NKAIN2: variants seen among roughly 807,000 people sequenced by gnomAD.
NKAIN2 encodes the protein sodium/potassium transporting ATPase interacting 2.
NKAIN2 carries 14 observed loss-of-function variants against 32.6 expected under a neutral mutation model. The observed-to-expected ratio is 0.43, with a 90% CI of 0.28 to 0.67. The LOEUF is 0.67. NKAIN2 is among the 30% of genes least tolerant of loss of function. NKAIN2 has a pLI of 0.17. For missense variants in NKAIN2, 198 were observed against 258.3 expected (o/e 0.77, Z 1.60); for synonymous variants, 80 against 87.2 (o/e 0.92, Z 0.46).
At chr6:124,572,984 C>T (rs368095189) in intron 3 of NKAIN2, among the ~76,000 whole-genome samples, 45 of 152,076 alleles carry the variant, frequency 3.0e-4, no homozygotes, top group Non-Finnish European at 2.9e-4. Context: ...GGATTACAGG[C>T]GCGTGACACC....
At chr6:124,009,959 A>G (rs957260424) in intron 1 of NKAIN2, among the ~76,000 whole-genome samples, 6 of 152,062 alleles carry the variant, frequency 3.9e-5, no homozygotes, top group African/African-American at 1.4e-4. Flanking sequence ...GTGTGTATGT[A>G]TGTATAAAAT....
At chr6:124,498,572 C>G (rs1288603264) in intron 3 of NKAIN2, among the ~76,000 whole-genome samples, 1 of 152,072 alleles carries the variant, frequency 6.6e-6, no homozygotes, top group Non-Finnish European at 1.5e-5. Flanking sequence ...TGACAGAACC[C>G]ACAGAAATAC....
intron 4 of NKAIN2, among the ~76,000 whole-genome samples, chr6:124,682,144 T>A (rs1004512939): frequency 6.6e-6 from 1 of 152,094 alleles, no homozygotes; most frequent in African/African-American, 2.4e-5. Flanking sequence ...GTTTTTTTTT[T>A]ACAAATAAAA....
intron 1 of NKAIN2, among the ~76,000 whole-genome samples, chr6:124,227,880 A>G (rs1219515106): frequency 6.6e-6 from 1 of 152,168 alleles, no homozygotes. Context: ...CTATAACAAG[A>G]TACCATAGAC....
intron 1 of NKAIN2, among the ~76,000 whole-genome samples, chr6:124,191,574 A>G (rs1162404147): frequency 6.6e-6 from 1 of 152,178 alleles, no homozygotes; most frequent in African/African-American, 2.4e-5. Context: ...CTTCCTTTCC[A>G]GTATTTATGC....
chr6:124,072,278 G>A (rs577569333), intron 1 of NKAIN2, among the ~76,000 whole-genome samples: 2 of 152,112 alleles, frequency 1.3e-5, no homozygotes, highest in Admixed American at 1.3e-4. Flanking sequence ...TAGACACTGG[G>A]TGCTCATGGA....
intron 1 of NKAIN2, among the ~76,000 whole-genome samples, chr6:124,148,198 G>A (rs564841483): frequency 2.6e-5 from 4 of 152,094 alleles, no homozygotes; most frequent in South Asian, 4.2e-4. Context: ...TGTAGCATTA[G>A]AGAGTTTGCA....
intron 1 of NKAIN2, among the ~76,000 whole-genome samples, chr6:124,139,079 A>ATTT (rs900247440): frequency 0.014 from 1,348 of 99,432 alleles, 93 homozygotes; most frequent in East Asian, 0.11. Context: ...TTAAATAAAA[A>ATTT]TTTTTTTTTT....
At chr6:124,046,721 C>T (rs1218030377) in intron 1 of NKAIN2, among the ~76,000 whole-genome samples, 2 of 151,942 alleles carry the variant, frequency 1.3e-5, no homozygotes, top group East Asian at 3.9e-4. Context: ...CTAGGGTCTT[C>T]TCCATCTGAT....
intron 1 of NKAIN2, among the ~76,000 whole-genome samples, chr6:124,248,380 C>T (rs1020036518): frequency 6.6e-6 from 1 of 151,886 alleles, no homozygotes; most frequent in African/African-American, 2.4e-5. Context: ...TAATTAGTAT[C>T]CCTGTGTTTG....
chr6:123,957,165 A>T (rs1312389823), intron 1 of NKAIN2, among the ~76,000 whole-genome samples: 3 of 152,146 alleles, frequency 2.0e-5, no homozygotes, highest in Non-Finnish European at 2.9e-5. Context: ...TTATGCGTAT[A>T]AATTGGGGTC....
chr6:123,925,001 A>G (rs1775941201), intron 1 of NKAIN2, among the ~76,000 whole-genome samples: 1 of 152,140 alleles, frequency 6.6e-6, no homozygotes, highest in African/African-American at 2.4e-5. Flanking sequence ...TTGAAAAAAT[A>G]TAACTAAAAC....
rs58773779 is a variant in NKAIN2, at chr6:124,220,801, A to C, written c.55-62204A>C. ...CCTTTAGTTTTATTTAAAGAGGCCTAGAATAATTCCTGGGATATACTAGGA... is the reference window on the plus strand; with the variant it reads ...CCTTTAGTTTTATTTAAAGAGGCCTCGAATAATTCCTGGGATATACTAGGA... On this transcript the variant is annotated intron_variant, in intron 1 of 6. Transcript: ENST00000368417. Among the ~76,000 whole-genome samples the C allele has an allele frequency of 4.1e-3, 622 of 152,230 alleles. 6 individuals are homozygous for C. Among genetic ancestry groups the C allele is most frequent in the African/African-American group, 0.014 (575 of 41,556 alleles).
At chr6:124,805,581 G>A (rs1462967827) in intron 5 of NKAIN2, among the ~76,000 whole-genome samples, 1 of 152,196 alleles carries the variant, frequency 6.6e-6, no homozygotes, top group African/African-American at 2.4e-5. Context: ...AAAAAGCAGA[G>A]CATCTCTCCT....
At chr6:124,474,680 A>T (rs1777112102) in intron 3 of NKAIN2, among the ~76,000 whole-genome samples, 1 of 151,704 alleles carries the variant, frequency 6.6e-6, no homozygotes, top group African/African-American at 2.4e-5. Flanking sequence ...TTTTTTATAT[A>T]AATTTTGTCA....
intron 5 of NKAIN2, among the ~76,000 whole-genome samples, chr6:124,807,088 A>C (rs1780604698): frequency 1.3e-5 from 2 of 151,460 alleles, no homozygotes; most frequent in South Asian, 4.2e-4. Context: ...AACGAGACAG[A>C]AAGTCAACAA....
At position 124,575,508 on chromosome 6, in the gene NKAIN2, C is replaced by A. The variant is rs116066852; in HGVS notation, c.274-82678C>A. Among the ~76,000 whole-genome samples the A allele has an allele frequency of 8.0e-3, 1,219 of 152,312 alleles. 21 individuals carry two copies. Among genetic ancestry groups the A allele is most frequent in the African/African-American group, 0.028 (1,154 of 41,568 alleles). On this transcript the variant is annotated intron_variant, in intron 3 of 6. Transcript: ENST00000368417. ...TACTTTTCATTATGAAGCTTCTTTA[C>A]TTTCCATTTTCCTTTGAGTCACAAA...
chr6:124,345,165 G>T (rs1277386373), intron 2 of NKAIN2, among the ~76,000 whole-genome samples: 1 of 151,990 alleles, frequency 6.6e-6, no homozygotes, highest in Non-Finnish European at 1.5e-5. Flanking sequence ...AACCAGCCTT[G>T]CATCCCAGGG....
At chr6:124,408,194 A>G (rs1773960811) in intron 3 of NKAIN2, among the ~76,000 whole-genome samples, 1 of 151,916 alleles carries the variant, frequency 6.6e-6, no homozygotes. Flanking sequence ...GAAGCTCTTT[A>G]GTTTAATTAG....
Sources: gnomAD v4.1 joint callset for allele counts (sites outside exome capture counted in the v4.1 genomes callset) on GRCh38, gnomAD v4.1.1 for gene constraint, MANE v1.5 for transcripts, NCBI Gene and HGNC (gene_info 2026-07-23, HGNC 2026-07-21) for gene names.